Variants in GRID2 observed in about 807,000 individuals in gnomAD.
GRID2 encodes the protein glutamate receptor ionotropic, delta-2.
Under a neutral mutation model 114.8 loss-of-function variants are expected in GRID2, and 33 were observed. That is an observed-to-expected ratio of 0.29 (90% CI 0.22 to 0.38). The LOEUF is 0.38. Among genes scored for constraint, GRID2 ranks in the 10% least tolerant of loss-of-function variants. The pLI is 1.00. For synonymous variants in GRID2, 505 were observed against 449.9 expected (o/e 1.12, Z -1.55); for missense variants, 1,184 against 1,257.7 (o/e 0.94, Z 0.89).
Position 92,887,159 on chromosome 4 carries a change from C to G in GRID2, c.245-197836C>G, listed in dbSNP as rs1360507643. 4.0e-5 allele frequency among the ~76,000 whole-genome samples: 6 copies of G among 151,630 alleles called. No individual in the cohort carries two copies. In the East Asian group the frequency reaches 1.2e-3, roughly 30 times the overall value. On this transcript the variant is annotated intron_variant, in intron 2 of 15. Transcript: ENST00000282020. ...TTATTGCTGGTTCCTTGTGCTATTT[C>G]CCATCCTGGAGGTCTACACTCTCCT...
At chr4:92,533,483 A>C (rs1725456374) in intron 1 of GRID2, among the ~76,000 whole-genome samples, 2 of 151,578 alleles carry the variant, frequency 1.3e-5, no homozygotes, top group African/African-American at 4.9e-5. Flanking sequence ...ATACATACAT[A>C]CACACACAGG....
intron 4 of GRID2, among the ~76,000 whole-genome samples, chr4:93,159,864 TAGAA>T (rs1335809188): frequency 6.6e-6 from 1 of 151,688 alleles, no homozygotes; most frequent in Non-Finnish European, 1.5e-5. Context: ...AAAACTAAAG[TAGAA>T]TTAATTCCAT....
At chr4:93,680,774 T>A (rs1725442903) in intron 14 of GRID2, among the ~76,000 whole-genome samples, 1 of 152,084 alleles carries the variant, frequency 6.6e-6, no homozygotes, top group Non-Finnish European at 1.5e-5. Flanking sequence ...TGATGGGACG[T>A]ATCTCAAAAT....
At chr4:93,419,187 G>A (rs1169537439) in intron 9 of GRID2, among the ~76,000 whole-genome samples, 1 of 149,852 alleles carries the variant, frequency 6.7e-6, no homozygotes, top group African/African-American at 2.5e-5. Flanking sequence ...TGAGCACAGT[G>A]ATTGAGTACA....
chr4:93,555,689 C>T (rs901019829), intron 13 of GRID2, among the ~76,000 whole-genome samples: 2 of 152,184 alleles, frequency 1.3e-5, no homozygotes, highest in African/African-American at 4.8e-5. Flanking sequence ...CTTCAGCAGA[C>T]GTAAATGTTC....
At chr4:92,488,789 G>C (rs1723012185) in intron 1 of GRID2, among the ~76,000 whole-genome samples, 1 of 152,088 alleles carries the variant, frequency 6.6e-6, no homozygotes, top group Non-Finnish European at 1.5e-5. Flanking sequence ...TAATCCTGGG[G>C]AAAGACCAGG....
At chr4:93,025,600 T>TAGTCCAAAAAAA (rs1343201471) in intron 2 of GRID2, among the ~76,000 whole-genome samples, 1 of 151,804 alleles carries the variant, frequency 6.6e-6, no homozygotes, top group African/African-American at 2.4e-5. Flanking sequence ...GTCCAATTTG[T>TAGTCCAAAAAAA]AACATTTACC....
Position 93,676,764 on chromosome 4 carries a change from AAAAG to A in GRID2, c.2360+50337_2360+50340del, listed in dbSNP as rs202087229. Among the ~76,000 whole-genome samples, 401 of 151,530 alleles carry A rather than the reference AAAAG, an allele frequency of 2.6e-3. 1 individual carries two copies. Among genetic ancestry groups the A allele is most frequent in the African/African-American group, 9.1e-3 (377 of 41,402 alleles). ...AAAAAAAGATATTACAAAAAAAAAA[AAAAG>A]AAAGAAAATAAAAACACCTGAGAGT... On this transcript the variant is annotated intron_variant, in intron 14 of 15. Transcript: ENST00000282020.
At chr4:92,444,082 T>C (rs901077085) in intron 1 of GRID2, among the ~76,000 whole-genome samples, 1 of 152,200 alleles carries the variant, frequency 6.6e-6, no homozygotes, top group African/African-American at 2.4e-5. Flanking sequence ...GAGATGTTCC[T>C]TGGGCTGGTC....
intron 2 of GRID2, among the ~76,000 whole-genome samples, chr4:92,642,858 T>C (rs561704186): frequency 1.3e-5 from 2 of 151,822 alleles, no homozygotes; most frequent in African/African-American, 4.8e-5. Flanking sequence ...AAGGGTCCAC[T>C]TTCATTCTTC....
chr4:93,457,663 A>G (rs921482809), intron 11 of GRID2, among the ~76,000 whole-genome samples: 2 of 152,108 alleles, frequency 1.3e-5, no homozygotes, highest in Non-Finnish European at 2.9e-5. Flanking sequence ...TCAAGAGGAG[A>G]GTATTGATGA....
chr4:93,414,682 ATT>A (rs906579815), intron 9 of GRID2, among the ~76,000 whole-genome samples: 9 of 71,676 alleles, frequency 1.3e-4, no homozygotes, highest in East Asian at 3.6e-4. Flanking sequence ...ACCATCTGAC[ATT>A]TTATATATAT....
intron 1 of GRID2, among the ~76,000 whole-genome samples, chr4:92,524,763 T>C (rs1724965439): frequency 6.6e-6 from 1 of 151,822 alleles, no homozygotes; most frequent in South Asian, 2.1e-4. Context: ...ACCTAATATA[T>C]TCACATTTTC....
At chr4:93,309,262 C>T (rs777023915) in intron 8 of GRID2, among the ~76,000 whole-genome samples, 109 of 152,204 alleles carry the variant, frequency 7.2e-4, no homozygotes, top group African/African-American at 2.1e-3. Flanking sequence ...AGGCAGGGTG[C>T]GGTGGCTCAC....
intron 2 of GRID2, among the ~76,000 whole-genome samples, chr4:92,878,679 A>G (rs944063820): frequency 1.3e-5 from 2 of 152,042 alleles, no homozygotes. Context: ...TTCTTTTTAT[A>G]TTCATGTATT....
intron 8 of GRID2, among the ~76,000 whole-genome samples, chr4:93,370,488 C>T (rs1173587751): frequency 2.7e-5 from 4 of 147,846 alleles, no homozygotes; most frequent in Admixed American, 2.7e-4. Context: ...CACACACACA[C>T]ACGCACACAC....
intron 1 of GRID2, among the ~76,000 whole-genome samples, chr4:92,381,043 G>A (rs1400353961): frequency 6.6e-6 from 1 of 151,926 alleles, no homozygotes; most frequent in Non-Finnish European, 1.5e-5. Context: ...ACCTGTTAGT[G>A]TCTCTAATGT....
intron 2 of GRID2, among the ~76,000 whole-genome samples, chr4:92,690,985 C>T (rs556694471): frequency 9.2e-5 from 14 of 152,160 alleles, no homozygotes; most frequent in African/African-American, 3.1e-4. Flanking sequence ...GAGCAAAATA[C>T]ATTCCAAAAA....
intron 2 of GRID2, among the ~76,000 whole-genome samples, chr4:92,703,641 AT>A (rs1408934356): frequency 1.1e-4 from 16 of 141,694 alleles, no homozygotes; most frequent in Non-Finnish European, 1.5e-4. Flanking sequence ...ATATATATAT[AT>A]ATAAAATCAT....
Sources: allele counts gnomAD v4.1 joint callset (sites outside exome capture counted in the v4.1 genomes callset), GRCh38; gene constraint gnomAD v4.1.1; transcripts MANE v1.5; gene names NCBI Gene and HGNC (gene_info 2026-07-23, HGNC 2026-07-21).